ICA1: variants seen among roughly 807,000 people sequenced by gnomAD.
The protein encoded by ICA1 is islet cell autoantigen 1.
Under a neutral mutation model 71.0 loss-of-function variants are expected in ICA1, and 40 were observed. The ratio of observed to expected loss-of-function variants is 0.56; its 90% confidence interval spans 0.44 to 0.73. ICA1 has a LOEUF of 0.73. ICA1 is among the 30% of genes least tolerant of loss of function. ICA1 has a pLI of 0.00. For synonymous variants in ICA1, 207 were observed against 209.5 expected (o/e 0.99, Z 0.10); for missense variants, 578 against 576.5 (o/e 1.00, Z -0.03).
At chr7:8,217,378 A>G (rs1192924947) in intron 6 of ICA1, among the ~76,000 whole-genome samples, 2 of 152,166 alleles carry the variant, frequency 1.3e-5, no homozygotes, top group African/African-American at 2.4e-5. Context: ...CCTTCCCTCC[A>G]CCTCTACACA....
Position 8,143,882 on chromosome 7 carries a change from G to A in ICA1, c.895C>T (p.Pro299Ser), listed in dbSNP as rs373265813. The change falls in exon 9 of 14, where the codon CCG (proline) becomes TCG (serine). Residue 299 changes from proline (P) to serine (S), a missense_variant. Physicochemically the swap from Pro to Ser is moderately conservative, Grantham distance 74. Transcript: ENST00000402384. The part of the protein sequence containing the change: ...QESTDAAVQE[P>S]SQLISLEEEN... ...AAGGAACCTGTGACTTACTGGCTCG[G>A]CTCCTGCACGGCTGCATCTGTACTT... 44 of 1,605,370 alleles carry A rather than the reference G, an allele frequency of 2.7e-5. No individual in the cohort carries two copies. The African/African-American group carries it at 5.5e-4, about 20-fold the overall frequency.
chr7:8,255,019 T>C (rs1318252893), intron 1 of ICA1, among the ~76,000 whole-genome samples: 1 of 152,158 alleles, frequency 6.6e-6, no homozygotes, highest in Non-Finnish European at 1.5e-5. Context: ...GCTCACTTCT[T>C]TGGAGCTATC....
chr7:8,253,631 T>C (rs974467962), intron 1 of ICA1, among the ~76,000 whole-genome samples: 3 of 152,130 alleles, frequency 2.0e-5, no homozygotes, highest in African/African-American at 7.2e-5. Flanking sequence ...TATTTTTATA[T>C]TTAAGTACAT....
rs112853744 is a variant in ICA1, at chr7:8,203,764, T to C, written c.579+14541A>G. Reference sequence around the variant, plus strand: ...TGCTGTAGGGCTTCTGCTACTTTCCTCTTATGACCGCAAACCTTTCAACAG... The same window carrying C: ...TGCTGTAGGGCTTCTGCTACTTTCCCCTTATGACCGCAAACCTTTCAACAG... On this transcript the variant is annotated intron_variant, in intron 6 of 13. Transcript: ENST00000402384. Among the ~76,000 whole-genome samples, 82 of 152,320 alleles carry C rather than the reference T, an allele frequency of 5.4e-4. 1 individual carries two copies. Among genetic ancestry groups the C allele is most frequent in the African/African-American group, 1.9e-3 (79 of 41,570 alleles).
In ICA1 at chr7:8,128,139, C is replaced by A. The variant is rs201153458; in HGVS notation, c.1064G>T (p.Cys355Phe). 58 of 1,613,626 alleles carry A rather than the reference C, an allele frequency of 3.6e-5. No homozygotes were observed. The highest frequency in any genetic ancestry group is 4.4e-5 in the Non-Finnish European group (52 of 1,179,780). ...CGGGGTCCCTGCCACTGGTCCCAGG[C>A]AAGCTGATTGAAGTAACAGAGAACA... ...LLDMKSEEGACLGPVAGTPEP... is the reference protein window; with the variant it reads ...LLDMKSEEGAFLGPVAGTPEP... Residue 355 changes from cysteine (C) to phenylalanine (F), a missense_variant, in exon 13 of 14, where the codon TGC becomes TTC. Transcript: ENST00000402384.
chr7:8,211,896 G>C (rs143990926), intron 6 of ICA1, among the ~76,000 whole-genome samples: 91 of 152,260 alleles, frequency 6.0e-4, no homozygotes, highest in African/African-American at 2.2e-3. Flanking sequence ...ACCACTTATA[G>C]TCCTAAGTGA....
intron 13 of ICA1, among the ~76,000 whole-genome samples, chr7:8,117,781 C>T (rs1226225474): frequency 6.6e-6 from 1 of 152,162 alleles, no homozygotes; most frequent in Non-Finnish European, 1.5e-5. Flanking sequence ...TCAGATGGGG[C>T]AGTGAAACCA....
At chr7:8,239,887 C>T (rs908059239) in intron 1 of ICA1, among the ~76,000 whole-genome samples, 8 of 152,356 alleles carry the variant, frequency 5.3e-5, no homozygotes, top group Non-Finnish European at 1.5e-5. Context: ...GTAAACAAAG[C>T]GGCCAGGGAA....
chr7:8,187,653 ACTC>A (rs1784316818), intron 6 of ICA1, among the ~76,000 whole-genome samples: 1 of 152,160 alleles, frequency 6.6e-6, no homozygotes, highest in Admixed American at 6.5e-5. Context: ...AAATTTTTTG[ACTC>A]TTCTGTAATA....
At chr7:8,220,858 C>G (rs190911029) in intron 5 of ICA1, among the ~76,000 whole-genome samples, 1 of 152,188 alleles carries the variant, frequency 6.6e-6, no homozygotes, top group Admixed American at 6.5e-5. Flanking sequence ...AGAACAGCAC[C>G]TCTCTGAAGT....
At chr7:8,178,293 C>T (rs1562860043) in intron 6 of ICA1, among the ~76,000 whole-genome samples, 1 of 152,200 alleles carries the variant, frequency 6.6e-6, no homozygotes, top group Non-Finnish European at 1.5e-5. Context: ...GCTCCACTTT[C>T]AGGCTCTGAA....
rs1337330153 is a variant in ICA1, at chr7:8,223,937, T to C, written c.257-2539A>G. 6.6e-6 allele frequency among the ~76,000 whole-genome samples: 1 copy of C among 152,174 alleles called. No homozygotes were observed. The highest frequency in any genetic ancestry group is 1.5e-5 in the Non-Finnish European group (1 of 68,028). ...GCAACTATGGAACTATGAAATTAAT[T>C]AGCTGGACAGCATTAACTCACTCAG... On this transcript the variant is annotated intron_variant, in intron 4 of 13. Coordinates refer to ENST00000402384, the MANE Select transcript of ICA1 (RefSeq NM_001136020.3). This position sits in a 1 kb window ranked among gnomAD's most constrained non-coding sequence, Gnocchi z 4.1.
chr7:8,205,019 T>A (rs1323882485), intron 6 of ICA1, among the ~76,000 whole-genome samples: 2 of 151,144 alleles, frequency 1.3e-5, no homozygotes, highest in African/African-American at 4.9e-5. Flanking sequence ...ATCTAACCAT[T>A]GTCTGGTTTC....
At chr7:8,177,695 G>C (rs768823552) in intron 6 of ICA1, among the ~76,000 whole-genome samples, 2 of 152,066 alleles carry the variant, frequency 1.3e-5, no homozygotes, top group Non-Finnish European at 2.9e-5. Context: ...TATGCTTATT[G>C]ATGGCCAGTC....
chr7:8,202,783 G>T (rs1790164920), intron 6 of ICA1, among the ~76,000 whole-genome samples: 1 of 152,192 alleles, frequency 6.6e-6, no homozygotes, highest in Non-Finnish European at 1.5e-5. Flanking sequence ...AATGATGGAG[G>T]CATCTGTAGG....
rs117890009 is a variant in ICA1 at position 8,186,576 on chromosome 7, G to C, written c.580-27924C>G. ...AAATGGAGACAGGGGATGGATGACAGAGAGATTTCCAGGGAAGAAATGATG... is the reference window on the plus strand; with the variant it reads ...AAATGGAGACAGGGGATGGATGACACAGAGATTTCCAGGGAAGAAATGATG... On this transcript the variant is annotated intron_variant, in intron 6 of 13. Transcript: ENST00000402384. 9.3e-3 allele frequency among the ~76,000 whole-genome samples: 1,418 copies of C among 152,314 alleles called. 9 individuals are homozygous for C. Among genetic ancestry groups the C allele is most frequent in the Middle Eastern group, 0.017 (5 of 294 alleles).
At chr7:8,228,537 T>A in intron 4 of ICA1, 64 bp downstream of exon 4, 3 of 995,230 alleles carry the variant, frequency 3.0e-6, no homozygotes, top group Non-Finnish European at 4.5e-6. Context: ...AAATGATGTA[T>A]CAAGACAAAA....
At chr7:8,211,807 G>C (rs891100269) in intron 6 of ICA1, among the ~76,000 whole-genome samples, 2 of 152,118 alleles carry the variant, frequency 1.3e-5, no homozygotes, top group African/African-American at 2.4e-5. Flanking sequence ...GGGGTGGCGA[G>C]TAAGTATTTT....
At chr7:8,183,351 T>C (rs1243693488) in intron 6 of ICA1, among the ~76,000 whole-genome samples, 1 of 152,236 alleles carries the variant, frequency 6.6e-6, no homozygotes, top group East Asian at 1.9e-4. Flanking sequence ...CGTCTACAGA[T>C]GTGGTCCTAT....
Sources: allele counts gnomAD v4.1 joint callset (sites outside exome capture counted in the v4.1 genomes callset), GRCh38; gene constraint gnomAD v4.1.1; non-coding constraint Gnocchi (gnomAD v3.1); transcripts MANE v1.5; gene names NCBI Gene and HGNC (gene_info 2026-07-23, HGNC 2026-07-21).